The following GANAB variants were observed in gnomAD, a reference collection of about 807,000 sequenced individuals.
The protein encoded by GANAB is neutral alpha-glucosidase AB.
Under a neutral mutation model 129.9 loss-of-function variants are expected in GANAB, and 35 were observed. The observed-to-expected ratio is 0.27, with a 90% CI of 0.21 to 0.36. The LOEUF is 0.36. Ranked by LOEUF, GANAB falls within the 10% of genes least tolerant of loss-of-function variation. GANAB has a pLI of 1.00. For synonymous variants in GANAB, 482 were observed against 451.8 expected, an observed-to-expected ratio of 1.07 and a Z score of -0.85; for missense variants, 939 against 1,221.0, an observed-to-expected ratio of 0.77 and a Z score of 3.44.
chr11:62,646,507 G>C, intron 1 of GANAB, 55 bp downstream of exon 1: 1 of 1,586,704 alleles, frequency 6.3e-7, no homozygotes. Context: ...AGTGGAATGG[G>C]ACTTGGGGGA....
In GANAB at chr11:62,625,335, G is replaced by A. The variant is rs370839982; in HGVS notation, c.*480C>T. The A allele has an allele frequency of 1.3e-4, 58 of 453,812 alleles. No individual in the cohort carries two copies. The highest frequency in any genetic ancestry group is 9.7e-4 in the East Asian group (14 of 14,392). The allele number at this position is 453,812 out of a possible 1,614,324, so 28.1% of individuals were successfully genotyped here. A position where few individuals can be genotyped will look rare whatever the true frequency, so the allele number is the denominator to read the frequency against. On this transcript the variant is annotated 3_prime_UTR_variant, in exon 24 of 24. Coordinates refer to ENST00000356638, the MANE Select transcript of GANAB (RefSeq NM_198334.3). The stretch of plus-strand genomic sequence containing the variant: ...CAGTGTATCGGTGGGGCATAAAAAG[G>A]GGAGTAAAGCCTGGAGGAAGAAATG...
chr11:62,634,302 G>C, intron 5 of GANAB: 1 of 1,579,874 alleles, frequency 6.3e-7, no homozygotes, highest in Non-Finnish European at 8.7e-7. Context: ...CGGTGGCCAT[G>C]GATTTACCTA....
intron 1 of GANAB, among the ~76,000 whole-genome samples, chr11:62,642,200 C>T (rs184238905): frequency 6.6e-6 from 1 of 151,986 alleles, no homozygotes; most frequent in Non-Finnish European, 1.5e-5. Flanking sequence ...CAGAGCGTGA[C>T]TCTGACTCAA....
Position 62,636,152 on chromosome 11 carries a change from G to A in GANAB, c.381-1152C>T, listed in dbSNP as rs556183868. Reference sequence around the variant, plus strand: ...ATTACAGGCGCCCACCACCACGCCCGGCTAAGTTTTGTATTTTCAGTAGAG... The same window carrying A: ...ATTACAGGCGCCCACCACCACGCCCAGCTAAGTTTTGTATTTTCAGTAGAG... On this transcript the variant is annotated intron_variant, in intron 4 of 23. Coordinates refer to ENST00000356638, the MANE Select transcript of GANAB (RefSeq NM_198334.3). Among the ~76,000 whole-genome samples the A allele has an allele frequency of 2.6e-3, 394 of 151,768 alleles. 1 individual carries two copies. Among genetic ancestry groups the A allele is most frequent in the African/African-American group, 8.9e-3 (369 of 41,400 alleles).
rs759848415 is a variant in GANAB at position 62,626,198 on chromosome 11, G to T, written c.2625-33C>A. 1.1e-5 allele frequency: 17 copies of T among 1,499,138 alleles called. No individual in the cohort carries two copies. The East Asian group carries it at 3.8e-4, about 34-fold the overall frequency. The allele number at this position is 1,499,138 out of a possible 1,614,324, so 92.9% of individuals were successfully genotyped here. On this transcript the variant is annotated intron_variant, in intron 22 of 23. Coordinates refer to ENST00000356638, the MANE Select transcript of GANAB (RefSeq NM_198334.3). ...TGGTAAAAGCAGATGTCCATCAGGG[G>T]GAAAAATAACAGAACAGAAGGAAGG...
At chr11:62,632,778 C>A in intron 8 of GANAB, 33 bp from the exon 9 acceptor site, 1 of 1,575,996 alleles carries the variant, frequency 6.3e-7, no homozygotes, top group Non-Finnish European at 8.7e-7. Context: ...GGGCTGCTAA[C>A]TGGCCCCAGG....
intron 17 of GANAB, among the ~76,000 whole-genome samples, chr11:62,628,519 A>C (rs958386958): frequency 6.6e-6 from 1 of 152,034 alleles, no homozygotes; most frequent in African/African-American, 2.4e-5. Context: ...GGCCTCAAAA[A>C]GGGATTTTAT....
At chr11:62,638,129 G>C (rs774327719) in intron 4 of GANAB, among the ~76,000 whole-genome samples, 2 of 152,200 alleles carry the variant, frequency 1.3e-5, no homozygotes, top group Non-Finnish European at 2.9e-5. Context: ...GTACAGGACA[G>C]TGCGGGTTGG....
intron 4 of GANAB, among the ~76,000 whole-genome samples, chr11:62,635,574 T>C (rs1414685705): frequency 8.9e-6 from 1 of 111,784 alleles, no homozygotes; most frequent in Non-Finnish European, 1.9e-5. Flanking sequence ...TGAAAAAACA[T>C]TTTCCATATA....
chr11:62,626,199 GA>G, intron 22 of GANAB, 34 bp from the exon 23 acceptor site: 1 of 1,487,994 alleles, frequency 6.7e-7, no homozygotes, highest in Non-Finnish European at 9.4e-7. Context: ...CCATCAGGGG[GA>G]AAAATAACAG....
chr11:62,641,290 G>A (rs1039312820), intron 1 of GANAB, among the ~76,000 whole-genome samples: 3 of 145,618 alleles, frequency 2.1e-5, no homozygotes, highest in African/African-American at 7.6e-5. Flanking sequence ...GTTGCAGTGA[G>A]CCAAGATTGT....
chr11:62,626,795 A>G, intron 20 of GANAB, 65 bp downstream of exon 20: 1 of 1,369,618 alleles, frequency 7.3e-7, no homozygotes, highest in Non-Finnish European at 1.0e-6. Flanking sequence ...CCTAAGGCAC[A>G]CATTCCCTCC....
At chr11:62,636,119 T>C (rs1161425095) in intron 4 of GANAB, among the ~76,000 whole-genome samples, 2 of 151,776 alleles carry the variant, frequency 1.3e-5, no homozygotes, top group African/African-American at 2.4e-5. Context: ...GGCACCCGAG[T>C]AGCTGGAATT....
chr11:62,627,561 G>A (rs945417168), intron 17 of GANAB, among the ~76,000 whole-genome samples: 3 of 151,928 alleles, frequency 2.0e-5, no homozygotes, highest in South Asian at 2.1e-4. Context: ...GTGAAACCCC[G>A]TCTCTACTAA....
chr11:62,636,941 A>T (rs1007604972), intron 4 of GANAB, among the ~76,000 whole-genome samples: 12 of 151,998 alleles, frequency 7.9e-5, no homozygotes, highest in African/African-American at 2.7e-4. Context: ...ATATATATAT[A>T]TATATTTTTT....
At position 62,626,557 on chromosome 11, in the gene GANAB, G is replaced by A; in HGVS notation, c.2511+14C>T. The A allele has an allele frequency of 1.3e-6, 2 of 1,551,016 alleles. No homozygotes were observed. The highest frequency in any genetic ancestry group is 1.4e-5 in the African/African-American group (1 of 73,794). On this transcript the variant is annotated intron_variant, in intron 21 of 23. Coordinates refer to ENST00000356638, the MANE Select transcript of GANAB (RefSeq NM_198334.3). Reference sequence around the variant, plus strand: ...AGGCAAATGGCTGAGGAGACTCGCTGCCTATGCACTTACCTGAGGGCTAAG... The same window carrying A: ...AGGCAAATGGCTGAGGAGACTCGCTACCTATGCACTTACCTGAGGGCTAAG...
chr11:62,646,163 A>T (rs1418655131), intron 1 of GANAB, among the ~76,000 whole-genome samples: 1 of 152,158 alleles, frequency 6.6e-6, no homozygotes. Context: ...AGCTCAGCCG[A>T]GGGGCCGCGG....
intron 1 of GANAB, among the ~76,000 whole-genome samples, chr11:62,645,523 G>C (rs1471658394): frequency 3.2e-5 from 4 of 125,078 alleles, no homozygotes; most frequent in African/African-American, 1.2e-4. Context: ...GCAACAGAGC[G>C]AGACTCTGTC....
In GANAB at chr11:62,625,692, G is replaced by A; in HGVS notation, c.*123C>T. On this transcript the variant is annotated 3_prime_UTR_variant, in exon 24 of 24. Coordinates refer to ENST00000356638, the MANE Select transcript of GANAB (RefSeq NM_198334.3). ...CTCTCATCCTGCCCAAATGTTGGCAGAATCTGGGTCTTAGACTAGCATAAG... is the reference window on the plus strand; with the variant it reads ...CTCTCATCCTGCCCAAATGTTGGCAAAATCTGGGTCTTAGACTAGCATAAG... 5.8e-6 allele frequency: 4 copies of A among 692,186 alleles called. No individual in the cohort carries two copies. In the South Asian group the frequency reaches 6.7e-5, roughly 12 times the overall value. The allele number at this position is 692,186 out of a possible 1,614,324, so 42.9% of individuals were successfully genotyped here.
Sources: allele counts gnomAD v4.1 joint callset (sites outside exome capture counted in the v4.1 genomes callset), GRCh38; gene constraint gnomAD v4.1.1; transcripts MANE v1.5; gene names NCBI Gene and HGNC (gene_info 2026-07-23, HGNC 2026-07-21).